Variants in SNX29 observed in about 807,000 individuals in gnomAD.
SNX29 encodes sorting nexin-29.
In SNX29, 78 loss-of-function variants were observed where a neutral mutation model predicts 102.1. The ratio of observed to expected loss-of-function variants is 0.76; its 90% CI spans 0.64 to 0.92. The LOEUF is 0.92. Among genes scored for constraint, SNX29 ranks in the 40% least tolerant of loss-of-function variants. The pLI is 0.00. For missense variants in SNX29, 1,280 were observed against 1,061.7 expected, an observed-to-expected ratio of 1.21 and a Z score of -2.86; for synonymous variants, 580 against 414.5, an observed-to-expected ratio of 1.40 and a Z score of -4.85.
intron 14 of SNX29, among the ~76,000 whole-genome samples, chr16:12,246,784 C>A (rs991196387): frequency 6.6e-6 from 1 of 152,158 alleles, no homozygotes; most frequent in African/African-American, 2.4e-5. Flanking sequence ...CAGTCACTGG[C>A]AATAGTAACA....
intron 15 of SNX29, among the ~76,000 whole-genome samples, chr16:12,288,537 C>T (rs568368608): frequency 6.6e-5 from 10 of 152,146 alleles, no homozygotes; most frequent in Non-Finnish European, 1.2e-4. Flanking sequence ...TTTCTTCTAC[C>T]TCCAGCTTGC....
At position 12,027,457 on chromosome 16, in the gene SNX29, C is replaced by A; in HGVS notation, c.247+13C>A. The A allele has an allele frequency of 6.2e-7, 1 of 1,613,168 alleles. No homozygotes were observed. Among genetic ancestry groups the A allele is most frequent in the South Asian group, 1.1e-5 (1 of 90,938 alleles). On this transcript the variant is annotated intron_variant, in intron 4 of 20. Coordinates refer to ENST00000566228, the MANE Select transcript of SNX29 (RefSeq NM_032167.5). Reference sequence around the variant, plus strand: ...AAAACCGAAACAGGTACTGCTCTGCCTGGCTGTAGCTTGGAGGAGCTTGTC... The same window carrying A: ...AAAACCGAAACAGGTACTGCTCTGCATGGCTGTAGCTTGGAGGAGCTTGTC...
intron 13 of SNX29, among the ~76,000 whole-genome samples, chr16:12,143,160 G>A (rs952367845): frequency 6.6e-6 from 1 of 151,934 alleles, no homozygotes; most frequent in African/African-American, 2.4e-5. Context: ...ACCATGCCCG[G>A]CTAATTTTTA....
intron 14 of SNX29, among the ~76,000 whole-genome samples, chr16:12,260,618 G>A (rs1337233909): frequency 2.8e-5 from 3 of 106,842 alleles, no homozygotes; most frequent in African/African-American, 7.0e-5. Flanking sequence ...CACCTTCTCC[G>A]TCTGCTTGCT....
intron 19 of SNX29, among the ~76,000 whole-genome samples, chr16:12,521,174 T>A (rs768336823): frequency 7.2e-5 from 11 of 152,110 alleles, no homozygotes; most frequent in Non-Finnish European, 1.3e-4. Flanking sequence ...AGTGAGACAC[T>A]GTCTCAAAAA....
chr16:12,117,604 G>T (rs1428442407), intron 11 of SNX29, among the ~76,000 whole-genome samples: 1 of 152,244 alleles, frequency 6.6e-6, no homozygotes, highest in Non-Finnish European at 1.5e-5. Flanking sequence ...ATCAGAGGTT[G>T]CCAGGGAGGA....
At chr16:12,497,644 G>T (rs1248019425) in intron 19 of SNX29, among the ~76,000 whole-genome samples, 1 of 152,200 alleles carries the variant, frequency 6.6e-6, no homozygotes, top group Non-Finnish European at 1.5e-5. Flanking sequence ...AATCAGCTGA[G>T]TCTTGCCTGT....
chr16:12,265,850 A>C (rs1231962911), intron 14 of SNX29, among the ~76,000 whole-genome samples: 4 of 152,084 alleles, frequency 2.6e-5, no homozygotes, highest in African/African-American at 9.7e-5. Context: ...TGATTGTATC[A>C]TTGCACTCCA....
chr16:12,262,383 C>CT (rs142228695), intron 14 of SNX29, among the ~76,000 whole-genome samples: 3,262 of 152,296 alleles, frequency 0.021, 51 homozygotes, highest in Non-Finnish European at 0.034. Flanking sequence ...TCCCCTTTGA[C>CT]TCAGCAGCTT....
chr16:12,550,680 C>T (rs1036948729), intron 20 of SNX29, among the ~76,000 whole-genome samples: 1 of 152,112 alleles, frequency 6.6e-6, no homozygotes, highest in Non-Finnish European at 1.5e-5. Context: ...GGAAGACTCA[C>T]TTTTTCATGT....
At chr16:12,411,123 T>C (rs1437973190) in intron 18 of SNX29, among the ~76,000 whole-genome samples, 1 of 152,158 alleles carries the variant, frequency 6.6e-6, no homozygotes, top group Non-Finnish European at 1.5e-5. Context: ...GCAGATACCA[T>C]TCCAAATTTA....
chr16:12,479,223 G>A (rs754792031), intron 19 of SNX29, among the ~76,000 whole-genome samples: 4 of 152,190 alleles, frequency 2.6e-5, no homozygotes, highest in Admixed American at 6.5e-5. Context: ...GAGGACTGCC[G>A]TTCTATCTTT....
intron 20 of SNX29, among the ~76,000 whole-genome samples, chr16:12,550,625 A>G (rs556570971): frequency 6.6e-6 from 1 of 151,968 alleles, no homozygotes; most frequent in Non-Finnish European, 1.5e-5. Flanking sequence ...TACCTGTAGA[A>G]AGACACATTA....
intron 18 of SNX29, among the ~76,000 whole-genome samples, chr16:12,439,634 G>A (rs528141155): frequency 1.3e-5 from 2 of 152,180 alleles, no homozygotes; most frequent in African/African-American, 4.8e-5. Context: ...TTACCCCCAT[G>A]ATTCAGTTAT....
chr16:12,377,206 TGTA>T (rs2082906924), intron 16 of SNX29, among the ~76,000 whole-genome samples: 1 of 152,074 alleles, frequency 6.6e-6, no homozygotes, highest in Non-Finnish European at 1.5e-5. Flanking sequence ...TAAAACAGGG[TGTA>T]GTATATTAGT....
At chr16:12,390,892 A>G (rs985326653) in intron 16 of SNX29, among the ~76,000 whole-genome samples, 1 of 149,362 alleles carries the variant, frequency 6.7e-6, no homozygotes, top group East Asian at 1.9e-4. Flanking sequence ...AAAAAAAAAA[A>G]AAAGAAAAGA....
intron 5 of SNX29, among the ~76,000 whole-genome samples, chr16:12,045,610 A>ATAT (rs68189960): frequency 0.024 from 3,029 of 127,266 alleles, 82 homozygotes; most frequent in East Asian, 0.054. Flanking sequence ...GGCAGGCATT[A>ATAT]TATTATTATT....
intron 20 of SNX29, among the ~76,000 whole-genome samples, chr16:12,548,981 T>C (rs1386913322): frequency 6.6e-6 from 1 of 152,238 alleles, no homozygotes; most frequent in African/African-American, 2.4e-5. Flanking sequence ...GTGAGGCCCC[T>C]GCTCTCCCGT....
chr16:12,349,214 A>G (rs1413258355), intron 15 of SNX29, among the ~76,000 whole-genome samples: 1 of 152,208 alleles, frequency 6.6e-6, no homozygotes, highest in East Asian at 1.9e-4. Flanking sequence ...GTTGCCTGAA[A>G]GGCCATGTGA....
Sources: allele counts gnomAD v4.1 joint callset (sites outside exome capture counted in the v4.1 genomes callset), GRCh38; gene constraint gnomAD v4.1.1; transcripts MANE v1.5; gene names NCBI Gene and HGNC (gene_info 2026-07-23, HGNC 2026-07-21).